The following MYCBP2 variants were observed in gnomAD, a reference collection of about 807,000 sequenced individuals.
The protein encoded by MYCBP2 is E3 ubiquitin-protein ligase MYCBP2.
A neutral mutation model predicts 525.3 loss-of-function variants in MYCBP2; 120 were observed. The ratio of observed to expected loss-of-function variants is 0.23; its 90% confidence interval spans 0.20 to 0.27. The LOEUF (loss-of-function observed/expected upper bound fraction) is 0.27, where lower values mean the gene tolerates loss of function less well. Among genes scored for constraint, MYCBP2 ranks in the 10% least tolerant of loss-of-function variants. The pLI is 1.00. For synonymous variants in MYCBP2, 1,894 were observed against 1,955.8 expected (o/e 0.97, Z 0.83); for missense variants, 4,149 against 5,657.1 (o/e 0.73, Z 8.55).
At position 77,086,327 on chromosome 13, in the gene MYCBP2, C is replaced by CAAT. The variant is rs1268830202; in HGVS notation, c.10875+1156_10875+1157insATT. Reference sequence around the variant, plus strand: ...ACCAAAAATTAAGCAATTATTCTCACTGTCCCTCTTTTGAAAGCTAATATT... The same window carrying CAAT: ...ACCAAAAATTAAGCAATTATTCTCACAATTGTCCCTCTTTTGAAAGCTAATATT... On this transcript the variant is annotated intron_variant, in intron 62 of 82. Coordinates refer to ENST00000544440, the MANE Select transcript of MYCBP2 (RefSeq NM_015057.5). Among the ~76,000 whole-genome samples the CAAT allele has an allele frequency of 2.0e-3, 311 of 152,226 alleles. 2 individuals carry two copies. Among genetic ancestry groups the CAAT allele is most frequent in the African/African-American group, 5.5e-3 (227 of 41,554 alleles).
At chr13:77,045,608 T>C (rs2035392666) in intron 82 of MYCBP2, 115 bp from the exon 83 acceptor site, 6 of 671,884 alleles carry the variant, frequency 8.9e-6, no homozygotes, top group Non-Finnish European at 1.3e-5. Context: ...TGACTATGGT[T>C]ATACAAATAT....
At chr13:77,088,697 C>G (rs749877992) in intron 61 of MYCBP2, 135 bp downstream of exon 61, 2 of 649,416 alleles carry the variant, frequency 3.1e-6, no homozygotes, top group South Asian at 2.6e-5. Context: ...TTTATAGGAA[C>G]ACTTAATACT....
At chr13:77,279,960 A>G (rs2076019533) in intron 3 of MYCBP2, among the ~76,000 whole-genome samples, 1 of 152,188 alleles carries the variant, frequency 6.6e-6, no homozygotes, top group South Asian at 2.1e-4. Flanking sequence ...GGCTTGTATT[A>G]TCTTCCAATA....
At chr13:77,062,509 T>C in intron 74 of MYCBP2, 87 bp downstream of exon 74, 2 of 1,168,764 alleles carry the variant, frequency 1.7e-6, no homozygotes, top group East Asian at 2.4e-5. Flanking sequence ...TGTTGATGTG[T>C]TTTTTGTTTG....
intron 54 of MYCBP2, among the ~76,000 whole-genome samples, chr13:77,122,562 G>T (rs12100065): frequency 4.0e-5 from 6 of 151,744 alleles, no homozygotes; most frequent in Admixed American, 3.9e-4. Context: ...GGTGGCCGGC[G>T]CCTGTAGTCC....
chr13:77,266,935 A>C (rs17067377), intron 8 of MYCBP2, among the ~76,000 whole-genome samples: 5,156 of 152,050 alleles, frequency 0.034, 292 homozygotes, highest in African/African-American at 0.12. Context: ...TAAGGTTCAA[A>C]TAAATGTTTG....
At chr13:77,137,131 C>T (rs1258669436) in intron 52 of MYCBP2, among the ~76,000 whole-genome samples, 5 of 152,198 alleles carry the variant, frequency 3.3e-5, no homozygotes, top group African/African-American at 1.2e-4. Flanking sequence ...TACCGCTCCT[C>T]TAACCTTTGT....
intron 36 of MYCBP2, 127 bp downstream of exon 36, chr13:77,176,370 A>G (rs2059704386): frequency 1.5e-6 from 1 of 661,172 alleles, no homozygotes; most frequent in Non-Finnish European, 2.2e-6. Context: ...ATAAATATTT[A>G]AGTACCATAT....
chr13:77,196,749 T>C (rs982508591), intron 26 of MYCBP2, among the ~76,000 whole-genome samples: 2 of 152,012 alleles, frequency 1.3e-5, no homozygotes, highest in African/African-American at 4.8e-5. Flanking sequence ...AAGCATAGTA[T>C]TGAATATGTT....
chr13:77,078,516 T>C (rs911786210), intron 66 of MYCBP2, among the ~76,000 whole-genome samples: 8 of 152,142 alleles, frequency 5.3e-5, no homozygotes, highest in Non-Finnish European at 8.8e-5. Flanking sequence ...AGGTTTTAAG[T>C]GTGAATGGGA....
chr13:77,125,334 G>A lies in MYCBP2; in HGVS notation c.8017+2C>T, dbSNP rs769595344. 6.2e-7 allele frequency: 1 copy of A among 1,613,358 alleles called. No homozygotes were observed. The highest frequency in any genetic ancestry group is 1.1e-5 in the South Asian group (1 of 90,950). Reference sequence around the variant, plus strand: ...ATAAATCACAAATTTAAGCCAACTTGCCATCTTCATGTCGGAGGTACTGGT... The same window carrying A: ...ATAAATCACAAATTTAAGCCAACTTACCATCTTCATGTCGGAGGTACTGGT... On this transcript the variant is annotated splice_donor_variant, in intron 54 of 82. Transcript: ENST00000544440. LOFTEE classifies it low-confidence loss of function (GC_TO_GT_DONOR).
At chr13:77,301,588 C>T (rs2078819068) in intron 1 of MYCBP2, among the ~76,000 whole-genome samples, 2 of 152,124 alleles carry the variant, frequency 1.3e-5, no homozygotes, top group South Asian at 2.1e-4. Flanking sequence ...GCAAAGAGCA[C>T]ACCTCTCTAG....
chr13:77,306,663 T>A (rs1594807491), intron 1 of MYCBP2, among the ~76,000 whole-genome samples: 1 of 152,170 alleles, frequency 6.6e-6, no homozygotes, highest in Non-Finnish European at 1.5e-5. Flanking sequence ...ATAGGCTAGG[T>A]AGGCCAGGGA....
chr13:77,154,442 G>A (rs2056961013), intron 46 of MYCBP2, among the ~76,000 whole-genome samples: 1 of 151,354 alleles, frequency 6.6e-6, no homozygotes, highest in Admixed American at 6.6e-5. Context: ...TCCATCATAT[G>A]GTTAAAAAAA....
Position 77,061,850 on chromosome 13 carries a change from A to G in MYCBP2, c.12775-60T>C, listed in dbSNP as rs1002081981. On this transcript the variant is annotated intron_variant, in intron 74 of 82. Coordinates refer to ENST00000544440, the MANE Select transcript of MYCBP2 (RefSeq NM_015057.5). The stretch of plus-strand genomic sequence containing the variant: ...CAAGCAAGTCTCAGACTCTCATACA[A>G]ATTGAATATAATTTATTTACAAAAA... 2.8e-6 allele frequency: 4 copies of G among 1,419,498 alleles called. No individual in the cohort carries two copies. In the African/African-American group the frequency reaches 4.4e-5, roughly 16 times the overall value. The allele number at this position is 1,419,498 out of a possible 1,614,324, so 87.9% of individuals were successfully genotyped here.
At chr13:77,223,139 CT>C (rs1371270954) in intron 20 of MYCBP2, among the ~76,000 whole-genome samples, 1 of 152,206 alleles carries the variant, frequency 6.6e-6, no homozygotes, top group African/African-American at 2.4e-5. Context: ...GCAGAGTTAA[CT>C]ATTATAACAG....
rs771373104 is a variant in MYCBP2 at position 77,077,100 on chromosome 13, A to G, written c.11724+48T>C. On this transcript the variant is annotated intron_variant, in intron 67 of 82. Coordinates refer to ENST00000544440, the MANE Select transcript of MYCBP2 (RefSeq NM_015057.5). ...AAATATTTTGTTACACTCTTAAAAT[A>G]TATTACATCAATTATCCTGTGCTAG... The G allele has an allele frequency of 1.9e-6, 3 of 1,580,944 alleles. No homozygotes were observed. In the South Asian group the frequency reaches 3.5e-5, roughly 18 times the overall value.
intron 26 of MYCBP2, among the ~76,000 whole-genome samples, chr13:77,196,276 T>C (rs2154263232): frequency 1.3e-5 from 2 of 152,198 alleles, no homozygotes; most frequent in East Asian, 3.9e-4. Flanking sequence ...GTCAGAGAGG[T>C]GATGACAGCC....
intron 18 of MYCBP2, among the ~76,000 whole-genome samples, chr13:77,227,594 A>T (rs1316409256): frequency 6.6e-6 from 1 of 152,140 alleles, no homozygotes; most frequent in Non-Finnish European, 1.5e-5. Context: ...CAATTGGTAA[A>T]AATGTCTAAT....
Sources: allele counts gnomAD v4.1 joint callset (sites outside exome capture counted in the v4.1 genomes callset), GRCh38; gene constraint gnomAD v4.1.1; transcripts MANE v1.5; gene names NCBI Gene and HGNC (gene_info 2026-07-23, HGNC 2026-07-21).